The following KCTD14 variants were observed in gnomAD, a reference collection of about 807,000 sequenced individuals.
KCTD14 encodes potassium channel tetramerization domain containing 14.
Under a neutral mutation model 5.9 loss-of-function variants are expected in KCTD14, and 7 were observed. The ratio of observed to expected loss-of-function variants is 1.19; its 90% CI spans 0.68 to 2.23. The LOEUF is 2.23. KCTD14 is among the 30% of genes most tolerant of loss of function. The pLI is 0.00. For synonymous variants in KCTD14, 140 were observed against 133.1 expected, an observed-to-expected ratio of 1.05 and a Z score of -0.36; for missense variants, 342 against 332.2, an observed-to-expected ratio of 1.03 and a Z score of -0.23.
At chr11:78,017,478 C>T (rs1285856819) in intron 1 of KCTD14, among the ~76,000 whole-genome samples, 9 of 147,450 alleles carry the variant, frequency 6.1e-5, no homozygotes, top group African/African-American at 1.3e-4. Context: ...GACGGAGTCT[C>T]GCTCTGTCAC....
At chr11:78,040,831 G>A (rs190396696) in intron 1 of KCTD14, among the ~76,000 whole-genome samples, 16 of 151,986 alleles carry the variant, frequency 1.1e-4, no homozygotes, top group Admixed American at 2.0e-4. Context: ...CACCACGCCC[G>A]GCTGATTTTT....
At chr11:78,033,529 A>G (rs1455008858) in intron 2 of KCTD14, among the ~76,000 whole-genome samples, 1 of 152,020 alleles carries the variant, frequency 6.6e-6, no homozygotes, top group Non-Finnish European at 1.5e-5. Flanking sequence ...TAAAAATACA[A>G]AAATTAGCCG....
upstream of KCTD14, among the ~76,000 whole-genome samples, chr11:78,025,112 G>GTA (rs1248888633): frequency 5.0e-4 from 34 of 68,628 alleles, no homozygotes; most frequent in Non-Finnish European, 6.8e-4. Flanking sequence ...GTGTGTGTGT[G>GTA]TGTGTGTATA....
chr11:78,029,775 CTT>C (rs372341755), intron 2 of KCTD14, among the ~76,000 whole-genome samples: 2 of 131,284 alleles, frequency 1.5e-5, no homozygotes, highest in African/African-American at 3.8e-5. Context: ...TCAGACAAGA[CTT>C]TTTTTTTTTC....
chr11:78,035,284 G>A (rs1213289878), intron 2 of KCTD14, among the ~76,000 whole-genome samples: 1 of 152,122 alleles, frequency 6.6e-6, no homozygotes, highest in Non-Finnish European at 1.5e-5. Flanking sequence ...GCTTCCAACT[G>A]AGTTTGGCCA....
At chr11:78,023,532 A>G (rs1030171426), upstream of KCTD14, 3 of 398,176 alleles carry the variant, frequency 7.5e-6, no homozygotes, top group Non-Finnish European at 4.5e-6. Flanking sequence ...TTTTTTTTTC[A>G]GAGACAGGGT....
At chr11:78,040,463 C>G (rs1345520582) in intron 1 of KCTD14, among the ~76,000 whole-genome samples, 2 of 151,342 alleles carry the variant, frequency 1.3e-5, no homozygotes, top group Admixed American at 1.3e-4. Flanking sequence ...TTGTGTGTCT[C>G]TCTGCTGTTT....
upstream of KCTD14, among the ~76,000 whole-genome samples, chr11:78,023,923 G>A (rs945770810): frequency 6.6e-6 from 1 of 152,100 alleles, no homozygotes; most frequent in African/African-American, 2.4e-5. Context: ...CGCTCTAGGA[G>A]GTAGGGTGGT....
At chr11:78,031,330 G>C (rs1812155413) in intron 2 of KCTD14, among the ~76,000 whole-genome samples, 1 of 151,878 alleles carries the variant, frequency 6.6e-6, no homozygotes, top group Non-Finnish European at 1.5e-5. Context: ...TTACAGGTGT[G>C]AGCCACCATA....
chr11:78,033,790 G>A (rs1216982453), intron 2 of KCTD14, among the ~76,000 whole-genome samples: 3 of 146,188 alleles, frequency 2.1e-5, no homozygotes, highest in African/African-American at 5.1e-5. Flanking sequence ...AGGTTGCAAT[G>A]AGCCGAGATC....
chr11:78,025,402 C>T (rs1857439741), upstream of KCTD14, among the ~76,000 whole-genome samples: 1 of 151,954 alleles, frequency 6.6e-6, no homozygotes, highest in Admixed American at 6.6e-5. Context: ...AGATTGTGCC[C>T]ACCCAGATTA....
At chr11:78,031,580 G>A (rs1428861354) in intron 2 of KCTD14, among the ~76,000 whole-genome samples, 1 of 151,438 alleles carries the variant, frequency 6.6e-6, no homozygotes, top group African/African-American at 2.4e-5. Context: ...TAGAGATGGG[G>A]TTTCACCATG....
upstream of KCTD14, among the ~76,000 whole-genome samples, chr11:78,025,118 G>GTGTA (rs1230114793): frequency 4.7e-3 from 211 of 44,450 alleles, no homozygotes; most frequent in Middle Eastern, 0.027. Flanking sequence ...GTGTGTGTGT[G>GTGTA]TATATATATA....
At chr11:78,037,737 T>C (rs1210267335) in intron 2 of KCTD14, among the ~76,000 whole-genome samples, 1 of 152,084 alleles carries the variant, frequency 6.6e-6, no homozygotes, top group Non-Finnish European at 1.5e-5. Context: ...GACAATCGCT[T>C]GAACCCGGGA....
At chr11:78,039,372 A>G (rs957397890) in intron 1 of KCTD14, among the ~76,000 whole-genome samples, 2 of 89,480 alleles carry the variant, frequency 2.2e-5, no homozygotes, top group Non-Finnish European at 4.2e-5. Context: ...CAAAAAAAAT[A>G]AATAAAATTA....
intron 1 of KCTD14, among the ~76,000 whole-genome samples, chr11:78,019,218 T>G (rs112365406): frequency 0.19 from 29,290 of 152,026 alleles, 2,906 homozygotes; most frequent in Middle Eastern, 0.25. Context: ...TTCACCATGT[T>G]GGCCAGGCTG....
At chr11:78,032,319 G>A (rs1459055971) in intron 2 of KCTD14, among the ~76,000 whole-genome samples, 1 of 152,224 alleles carries the variant, frequency 6.6e-6, no homozygotes, top group Non-Finnish European at 1.5e-5. Context: ...CTGGCTGGAA[G>A]CCAGGCATTT....
Position 78,023,233 on chromosome 11 carries a change from G to C in KCTD14, c.17C>G (p.Ala6Gly), listed in dbSNP as rs1857355649. 1 of 1,608,668 alleles carries C rather than the reference G, an allele frequency of 6.2e-7. No homozygotes were observed. The highest frequency in any genetic ancestry group is 1.3e-5 in the African/African-American group (1 of 74,846). MWQGC[A>G]VERPVGRMTS... ...CATCCTGCCCACTGGCCGCTCCACT[G>C]CGCAGCCCTGCCACATGCAGATCAC... The change falls in exon 1 of 2, where the codon GCA becomes GGA. Residue 6 changes from alanine (A) to glycine (G), a missense_variant. Physicochemically the swap from Ala to Gly is moderately conservative, Grantham distance 60. Transcript: ENST00000353172.
chr11:78,035,934 C>T (rs902569099), intron 2 of KCTD14, among the ~76,000 whole-genome samples: 4 of 149,468 alleles, frequency 2.7e-5, no homozygotes, highest in Admixed American at 2.0e-4. Context: ...TCAAGGGAGG[C>T]GGATCACTTG....
Sources: allele counts gnomAD v4.1 joint callset (sites outside exome capture counted in the v4.1 genomes callset), GRCh38; gene constraint gnomAD v4.1.1; transcripts MANE v1.5; gene names NCBI Gene and HGNC (gene_info 2026-07-23, HGNC 2026-07-21).